The following TGIF1 variants were observed in gnomAD, a reference collection of about 807,000 sequenced individuals.
TGIF1 encodes the protein TGFB induced factor homeobox 1.
TGIF1 carries 4 observed loss-of-function variants against 19.3 expected under a neutral mutation model. That is an observed-to-expected ratio of 0.21 (90% CI 0.10 to 0.47). The LOEUF (loss-of-function observed/expected upper bound fraction) is 0.47. Among genes scored for constraint, TGIF1 ranks in the 20% least tolerant of loss-of-function variants. TGIF1 has a pLI of 0.98. For missense variants in TGIF1, 275 were observed against 341.4 expected (o/e 0.81, Z 1.53); for synonymous variants, 122 against 129.3 (o/e 0.94, Z 0.38).
chr18:3,432,144 A>AAAAAAAAAAAAAAAAAAAAG (rs199561203), intron 2 of TGIF1, among the ~76,000 whole-genome samples: 2 of 138,464 alleles, frequency 1.4e-5, no homozygotes. Context: ...AAAAAAAAAA[A>AAAAAAAAAAAAAAAAAAAAG]CACTAAGAAA....
Position 3,457,258 on chromosome 18 carries a change from T to C in TGIF1, c.244-107T>C. On this transcript the variant is annotated intron_variant, in intron 2 of 2. Transcript: ENST00000343820. This position sits in a 1 kb window ranked among gnomAD's most constrained non-coding sequence, Gnocchi z 4.9. ...AAATTCAGATAAGGCTTTTCATGCT[T>C]TCTTTAATTCAGAGAGCAAGATCAA... The C allele has an allele frequency of 4.1e-6, 5 of 1,210,786 alleles. No individual in the cohort carries two copies. Among genetic ancestry groups the C allele is most frequent in the Non-Finnish European group, 5.9e-6 (5 of 841,772 alleles). The allele number at this position is 1,210,786 out of a possible 1,614,324, so 75.0% of individuals were successfully genotyped here.
intron 1 of TGIF1, among the ~76,000 whole-genome samples, chr18:3,453,281 C>G (rs1022120127): frequency 6.6e-6 from 1 of 152,168 alleles, no homozygotes; most frequent in Non-Finnish European, 1.5e-5. Context: ...GTTAAATTTG[C>G]TTTTTCCTAA....
intron 2 of TGIF1, among the ~76,000 whole-genome samples, chr18:3,421,848 A>G (rs867615305): frequency 2.6e-5 from 4 of 152,130 alleles, no homozygotes; most frequent in African/African-American, 9.7e-5. Context: ...TGAACACTCC[A>G]TAAGTGTTAT....
At position 3,456,842 on chromosome 18, in the gene TGIF1, A is replaced by G; in HGVS notation, c.243+262A>G. 1.6e-6 allele frequency: 1 copy of G among 616,690 alleles called. No homozygotes were observed. The highest frequency in any genetic ancestry group is 2.9e-6 in the Non-Finnish European group (1 of 349,342). The allele number at this position is 616,690 out of a possible 1,614,324, so 38.2% of individuals were successfully genotyped here. On this transcript the variant is annotated intron_variant, in intron 2 of 2. Coordinates refer to ENST00000343820, the MANE Select transcript of TGIF1 (RefSeq NM_003244.4). This position sits in a 1 kb window ranked among gnomAD's most constrained non-coding sequence, Gnocchi z 4.2. ...GCAACAGACATTAAAAGGAGGTTAA[A>G]CCTTACTCTATTGTCCAGGAAACTG...
chr18:3,453,299 T>A (rs1033980110), intron 1 of TGIF1, among the ~76,000 whole-genome samples: 1 of 152,184 alleles, frequency 6.6e-6, no homozygotes, highest in Non-Finnish European at 1.5e-5. Context: ...TAATTGTGCA[T>A]CTCGACTTTT....
upstream of TGIF1, chr18:3,449,538 T>TTGGCCCC: frequency 1.4e-5 from 13 of 961,928 alleles, no homozygotes; most frequent in African/African-American, 1.8e-5. Context: ...GTCTCATCAT[T>TTGGCCCC]CCCCCCCGCC....
intron 2 of TGIF1, among the ~76,000 whole-genome samples, chr18:3,421,609 T>C (rs2082398504): frequency 2.0e-5 from 3 of 151,574 alleles, no homozygotes; most frequent in South Asian, 2.1e-4. Context: ...ACAGGGTTTC[T>C]CCATACTGGC....
chr18:3,417,763 T>C (rs895369878), intron 1 of TGIF1, among the ~76,000 whole-genome samples: 1 of 152,216 alleles, frequency 6.6e-6, no homozygotes, highest in Non-Finnish European at 1.5e-5. Context: ...CACTGTTTTC[T>C]GAATTTTCTA....
intron 2 of TGIF1, among the ~76,000 whole-genome samples, chr18:3,423,272 C>T (rs1032787222): frequency 6.6e-6 from 1 of 152,088 alleles, no homozygotes; most frequent in Non-Finnish European, 1.5e-5. Flanking sequence ...CATGGCTGGG[C>T]GTGGTGGCTC....
chr18:3,425,831 T>A (rs2082460254), intron 2 of TGIF1, among the ~76,000 whole-genome samples: 1 of 152,132 alleles, frequency 6.6e-6, no homozygotes, highest in Non-Finnish European at 1.5e-5. Flanking sequence ...TGCCATGGGC[T>A]CAGTGGATTG....
At chr18:3,442,037 T>C (rs1467838688) in intron 2 of TGIF1, among the ~76,000 whole-genome samples, 2 of 152,242 alleles carry the variant, frequency 1.3e-5, no homozygotes, top group African/African-American at 4.8e-5. Flanking sequence ...CCTGTTGGTA[T>C]TTTAATGAAA....
chr18:3,445,764 GCA>G (rs1568041667), upstream of TGIF1, among the ~76,000 whole-genome samples: 18 of 24,104 alleles, frequency 7.5e-4, no homozygotes, highest in African/African-American at 2.2e-3. Flanking sequence ...GAGAAGAAAA[GCA>G]AAAAAAAAAA....
At chr18:3,426,367 C>T (rs547398477) in intron 2 of TGIF1, among the ~76,000 whole-genome samples, 1 of 152,140 alleles carries the variant, frequency 6.6e-6, no homozygotes, top group South Asian at 2.1e-4. Flanking sequence ...CAGGGTTTCA[C>T]TGTGTTGTCT....
At position 3,451,621 on chromosome 18, in the gene TGIF1, G is replaced by C. The variant is rs887131337; in HGVS notation, c.16+1116G>C. The C allele has an allele frequency of 3.7e-6, 4 of 1,089,556 alleles. No homozygotes were observed. Among genetic ancestry groups the C allele is most frequent in the Non-Finnish European group, 4.5e-6 (4 of 898,002 alleles). 67.5% of individuals were successfully genotyped at this position (1,089,556 alleles called of 1,614,324 possible). On this transcript the variant is annotated intron_variant, in intron 1 of 2. Transcript: ENST00000343820. The surrounding 1 kb of genome is among the most constrained non-coding windows in gnomAD (Gnocchi z 5.4). ...TTCTTTCAGACCCGGCCCGCTGCGG[G>C]GCGTTCCTGGGGGGTAGCCTCAAGG...
intron 2 of TGIF1, among the ~76,000 whole-genome samples, chr18:3,427,402 C>G (rs1317958361): frequency 6.6e-6 from 1 of 151,858 alleles, no homozygotes; most frequent in Non-Finnish European, 1.5e-5. Flanking sequence ...AAGTGATTCT[C>G]TTCCTCAGCC....
At chr18:3,432,251 A>G (rs2082558871) in intron 2 of TGIF1, among the ~76,000 whole-genome samples, 1 of 152,148 alleles carries the variant, frequency 6.6e-6, no homozygotes, top group Admixed American at 6.6e-5. Context: ...AAAGTGAGGG[A>G]TGTGCTATAA....
chr18:3,417,606 G>A (rs971203118), intron 1 of TGIF1, among the ~76,000 whole-genome samples: 9 of 151,890 alleles, frequency 5.9e-5, no homozygotes, highest in Non-Finnish European at 7.4e-5. Context: ...ATCTATTTTT[G>A]TCTATATAAC....
At position 3,451,283 on chromosome 18, in the gene TGIF1, T is replaced by C. The variant is rs2082916648; in HGVS notation, c.16+778T>C. The C allele has an allele frequency of 1.2e-6, 1 of 849,290 alleles. No individual in the cohort carries two copies. The highest frequency in any genetic ancestry group is 1.2e-4 in the East Asian group (1 of 8,098). 52.6% of individuals were successfully genotyped at this position (849,290 alleles called of 1,614,324 possible). On this transcript the variant is annotated intron_variant, in intron 1 of 2. Transcript: ENST00000343820. This position sits in a 1 kb window ranked among gnomAD's most constrained non-coding sequence, Gnocchi z 5.4. ...CAAGGCTGTCATTGTTTCCACGAAG[T>C]GTTCTGGAAGCTTTACAACTAAAAC... is the stretch of plus-strand genomic sequence containing the variant.
intron 1 of TGIF1, chr18:3,452,133 C>G (rs1184567276): frequency 1.9e-6 from 3 of 1,613,948 alleles, no homozygotes; most frequent in Non-Finnish European, 2.5e-6. Flanking sequence ...GTCCCCCCGA[C>G]TCTCCCGCGG....
Sources: allele counts gnomAD v4.1 joint callset (sites outside exome capture counted in the v4.1 genomes callset), GRCh38; gene constraint gnomAD v4.1.1; non-coding constraint Gnocchi (gnomAD v3.1); transcripts MANE v1.5; gene names NCBI Gene and HGNC (gene_info 2026-07-23, HGNC 2026-07-21).